MMP26: variants seen among roughly 807,000 people sequenced by gnomAD.
MMP26 encodes the protein matrix metallopeptidase 26.
A neutral mutation model predicts 31.0 loss-of-function variants in MMP26; 33 were observed. The observed-to-expected ratio is 1.06, with a 90% confidence interval of 0.81 to 1.42. MMP26 has a LOEUF of 1.42. MMP26 is among the 40% of genes most tolerant of loss of function. MMP26 has a pLI of 0.00. For missense variants in MMP26, 347 were observed against 316.1 expected, an observed-to-expected ratio of 1.10 and a Z score of -0.74; for synonymous variants, 122 against 114.9, an observed-to-expected ratio of 1.06 and a Z score of -0.40.
chr11:4,761,224 C>T (rs1168855138), intron 1 of MMP26, among the ~76,000 whole-genome samples: 1 of 152,136 alleles, frequency 6.6e-6, no homozygotes, highest in Admixed American at 6.5e-5. Flanking sequence ...ATAAATTCTT[C>T]CTTGTGTTTA....
chr11:4,713,260 G>A (rs1212143960), intron 1 of MMP26, among the ~76,000 whole-genome samples: 1 of 152,074 alleles, frequency 6.6e-6, no homozygotes, highest in Admixed American at 6.6e-5. Context: ...TGTGTTATTT[G>A]TATTATGTTA....
chr11:4,860,999 T>G (rs1850146577), intron 2 of MMP26, among the ~76,000 whole-genome samples: 1 of 151,354 alleles, frequency 6.6e-6, no homozygotes, highest in Non-Finnish European at 1.5e-5. Flanking sequence ...CACCCACAAC[T>G]ACATACAATC....
chr11:4,906,136 AGT>A (rs1850884588), intron 2 of MMP26, among the ~76,000 whole-genome samples: 1 of 152,196 alleles, frequency 6.6e-6, no homozygotes, highest in Admixed American at 6.5e-5. Flanking sequence ...GTGAACCATA[AGT>A]GTTTAAGCGA....
At chr11:4,770,927 T>C (rs960327640) in intron 2 of MMP26, among the ~76,000 whole-genome samples, 2 of 151,728 alleles carry the variant, frequency 1.3e-5, no homozygotes, top group Admixed American at 6.6e-5. Flanking sequence ...TGAAGCCTAG[T>C]AAGGATTAAA....
chr11:4,798,596 C>T (rs1478387564), intron 2 of MMP26, among the ~76,000 whole-genome samples: 1 of 152,156 alleles, frequency 6.6e-6, no homozygotes, highest in Non-Finnish European at 1.5e-5. Context: ...TCTGAGGTAA[C>T]TAAAGCACCA....
chr11:4,727,093 A>T (rs1654138002), intron 1 of MMP26, among the ~76,000 whole-genome samples: 1 of 152,234 alleles, frequency 6.6e-6, no homozygotes, highest in African/African-American at 2.4e-5. Flanking sequence ...GAAAAAACTT[A>T]CATTGCTTGT....
At chr11:4,725,938 C>G (rs1442065945) in intron 1 of MMP26, among the ~76,000 whole-genome samples, 3 of 152,170 alleles carry the variant, frequency 2.0e-5, no homozygotes, top group African/African-American at 2.4e-5. Context: ...TAAGAAGGTC[C>G]TCTTAGATGA....
chr11:4,822,129 G>A (rs1252487071), intron 2 of MMP26: 3 of 1,613,684 alleles, frequency 1.9e-6, no homozygotes, highest in South Asian at 2.2e-5. Flanking sequence ...CAGAAGAGAG[G>A]CGGAAAGCCT....
chr11:4,928,088 A>G lies in MMP26; in HGVS notation c.-144-59980A>G, dbSNP rs17253343. Among the ~76,000 whole-genome samples, 1,432 of 151,862 alleles carry G rather than the reference A, an allele frequency of 9.4e-3. 16 individuals carry two copies. The highest frequency in any genetic ancestry group is 0.013 in the Non-Finnish European group (858 of 67,970). The stretch of plus-strand genomic sequence containing the variant: ...AGAGAGAGAGAGAATTCAGATTCCA[A>G]CACTTTCTAGCCATGTGACTATATG... On this transcript the variant is annotated intron_variant, in intron 2 of 7. Transcript: ENST00000380390.
chr11:4,779,519 C>T (rs1764467902), intron 2 of MMP26, among the ~76,000 whole-genome samples: 1 of 151,316 alleles, frequency 6.6e-6, no homozygotes, highest in Non-Finnish European at 1.5e-5. Context: ...CTTTTCTTAC[C>T]CACTTTAGAA....
chr11:4,839,963 C>G (rs1037705437), intron 2 of MMP26, among the ~76,000 whole-genome samples: 2 of 152,026 alleles, frequency 1.3e-5, no homozygotes, highest in Non-Finnish European at 2.9e-5. Flanking sequence ...AGGGTGAGTT[C>G]CTGGCCAGGC....
intron 2 of MMP26, chr11:4,860,059 G>C (rs1019086057): frequency 2.1e-6 from 1 of 471,156 alleles, no homozygotes; most frequent in African/African-American, 2.0e-5. Flanking sequence ...ATGGCAGAAG[G>C]GTAGGCACTT....
intron 2 of MMP26, among the ~76,000 whole-genome samples, chr11:4,774,728 C>G (rs186562978): frequency 7.9e-5 from 12 of 152,150 alleles, no homozygotes; most frequent in African/African-American, 2.4e-4. Flanking sequence ...ATGGTATTGC[C>G]TAGATTTTCT....
chr11:4,773,332 A>G (rs1311500092), intron 2 of MMP26, among the ~76,000 whole-genome samples: 5 of 152,182 alleles, frequency 3.3e-5, no homozygotes, highest in Admixed American at 3.3e-4. Context: ...TGGCAAACCT[A>G]TGTGGCAAAA....
intron 1 of MMP26, among the ~76,000 whole-genome samples, chr11:4,712,601 G>A (rs998102563): frequency 6.6e-6 from 1 of 152,032 alleles, no homozygotes; most frequent in Non-Finnish European, 1.5e-5. Flanking sequence ...CCACATTTTT[G>A]GGTGTATCTT....
At chr11:4,813,152 C>T (rs1849372896) in intron 2 of MMP26, among the ~76,000 whole-genome samples, 1 of 151,848 alleles carries the variant, frequency 6.6e-6, no homozygotes, top group African/African-American at 2.4e-5. Flanking sequence ...TTACAGGTGC[C>T]TGCCACCATG....
intron 2 of MMP26, 115 bp downstream of exon 2, chr11:4,767,456 G>A (rs1000237956): frequency 1.3e-5 from 2 of 152,136 alleles, no homozygotes; most frequent in African/African-American, 4.8e-5. Flanking sequence ...TGAGTGCACA[G>A]TAATATTTTT....
chr11:4,793,816 G>A (rs1476199985), intron 2 of MMP26: 1 of 152,136 alleles, frequency 6.6e-6, no homozygotes, highest in Non-Finnish European at 1.5e-5. Context: ...TCTTGGATAT[G>A]CTTACTCTTT....
At chr11:4,820,833 T>A (rs937879484) in intron 2 of MMP26, among the ~76,000 whole-genome samples, 27 of 152,300 alleles carry the variant, frequency 1.8e-4, no homozygotes, top group African/African-American at 5.5e-4. Context: ...ATATAATGCA[T>A]ATAAAATGTC....
Sources: allele counts gnomAD v4.1 joint callset (sites outside exome capture counted in the v4.1 genomes callset), GRCh38; gene constraint gnomAD v4.1.1; transcripts MANE v1.5; gene names NCBI Gene and HGNC (gene_info 2026-07-23, HGNC 2026-07-21).